The following SLAIN2 variants were observed in gnomAD, a reference collection of about 807,000 sequenced individuals.
The protein encoded by SLAIN2 is SLAIN family member 2.
Under a neutral mutation model 56.6 loss-of-function variants are expected in SLAIN2, and 31 were observed. The observed-to-expected ratio is 0.55, with a 90% CI of 0.41 to 0.74. The LOEUF (loss-of-function observed/expected upper bound fraction) is 0.74, where lower values mean the gene tolerates loss of function less well. Among genes scored for constraint, SLAIN2 ranks in the 30% least tolerant of loss-of-function variants. The pLI is 0.00. For missense variants in SLAIN2, 777 were observed against 754.2 expected, an observed-to-expected ratio of 1.03 and a Z score of -0.35; for synonymous variants, 317 against 284.9, an observed-to-expected ratio of 1.11 and a Z score of -1.13.
chr4:48,406,521 CTCTCTTT>C (rs1216967317), intron 6 of SLAIN2, among the ~76,000 whole-genome samples: 3 of 119,382 alleles, frequency 2.5e-5, no homozygotes, highest in South Asian at 3.3e-4. Context: ...TATGCTCTCT[CTCTCTTT>C]TTTTTTTTTT....
intron 6 of SLAIN2, among the ~76,000 whole-genome samples, chr4:48,391,528 G>A (rs190213774): frequency 3.7e-4 from 56 of 152,206 alleles, no homozygotes; most frequent in African/African-American, 1.2e-3. Flanking sequence ...ATAGAAAGCC[G>A]ACCAACTTGG....
rs747816266 is a variant in SLAIN2, at chr4:48,420,239, C to T, written c.1475C>T (p.Thr492Ile). 2.5e-6 allele frequency: 4 copies of T among 1,613,956 alleles called. No homozygotes were observed. Among genetic ancestry groups the T allele is most frequent in the South Asian group, 1.1e-5 (1 of 91,082 alleles). ...GSGSPGSQEI[T>I]QLTQTTSSPG... Reference sequence around the variant, plus strand: ...GGTTCTCCTGGTAGCCAAGAAATAACACAGCTCACACAAACCACCTCCTCA... The same window carrying T: ...GGTTCTCCTGGTAGCCAAGAAATAATACAGCTCACACAAACCACCTCCTCA... The change falls in exon 7 of 8, where the codon ACA becomes ATA. Residue 492 changes from threonine to isoleucine, a missense_variant. Coordinates refer to ENST00000264313, the MANE Select transcript of SLAIN2 (RefSeq NM_020846.2).
intron 1 of SLAIN2, among the ~76,000 whole-genome samples, chr4:48,344,141 C>T (rs1170139505): frequency 6.6e-6 from 1 of 152,072 alleles, no homozygotes; most frequent in Non-Finnish European, 1.5e-5. Flanking sequence ...TTCTTTTGAC[C>T]AGATGATTCC....
intron 6 of SLAIN2, among the ~76,000 whole-genome samples, chr4:48,410,839 C>T (rs1716826050): frequency 6.6e-6 from 1 of 152,196 alleles, no homozygotes; most frequent in African/African-American, 2.4e-5. Context: ...GAGAAATACC[C>T]TCACATCTTC....
intron 6 of SLAIN2, chr4:48,394,776 T>C: frequency 1.5e-6 from 1 of 686,642 alleles, no homozygotes; most frequent in South Asian, 2.2e-5. Flanking sequence ...TAAAGAATAA[T>C]AAAATAATGA....
Position 48,423,988 on chromosome 4 carries a change from A to G in SLAIN2, c.*1911A>G, listed in dbSNP as rs953379219. The G allele has an allele frequency of 2.6e-5, 4 of 152,166 alleles. No individual in the cohort carries two copies. The highest frequency in any genetic ancestry group is 1.3e-4 in the Admixed American group (2 of 15,262). The allele number at this position is 152,166 out of a possible 1,614,324, so 9.4% of individuals were successfully genotyped here. A position where few individuals can be genotyped will look rare whatever the true frequency, so the allele number is the denominator to read the frequency against. ...AACAAGTCTCAGTTTTCAGTGCAAC[A>G]TTTCAAAAAATATATATGCTGCAAT... On this transcript the variant is annotated 3_prime_UTR_variant, in exon 8 of 8. Transcript: ENST00000264313.
At chr4:48,397,816 C>T (rs1466985210) in intron 6 of SLAIN2, among the ~76,000 whole-genome samples, 3 of 152,122 alleles carry the variant, frequency 2.0e-5, no homozygotes, top group Non-Finnish European at 4.4e-5. Flanking sequence ...CCATCTATGT[C>T]CCTGCAAAGG....
Position 48,420,258 on chromosome 4 carries a change from C to T in SLAIN2, c.1494C>T (p.Thr498=). The T allele has an allele frequency of 6.2e-7, 1 of 1,613,970 alleles. No individual in the cohort carries two copies. Among genetic ancestry groups the T allele is most frequent in the Non-Finnish European group, 8.5e-7 (1 of 1,179,878 alleles). The change falls in exon 7 of 8, where the codon ACC becomes ACT. Residue 498 remains threonine (T), a synonymous_variant. Transcript: ENST00000264313. The part of the protein sequence containing the change: ...SQEITQLTQT[T]SSPGPPMVQS... ...AAATAACACAGCTCACACAAACCAC[C>T]TCCTCACCTGGGCCTCCTATGGTTC...
chr4:48,351,969 T>C (rs1715018717), intron 1 of SLAIN2, among the ~76,000 whole-genome samples: 1 of 152,162 alleles, frequency 6.6e-6, no homozygotes, highest in African/African-American at 2.4e-5. Context: ...GTGATACATT[T>C]GAGTAGGGTA....
At chr4:48,383,958 A>AT in intron 6 of SLAIN2, 174 bp downstream of exon 6, 2 of 630,676 alleles carry the variant, frequency 3.2e-6, no homozygotes, top group Non-Finnish European at 5.1e-6. Flanking sequence ...TTATATTACA[A>AT]TTTAAAATTT....
chr4:48,344,543 C>G (rs1049923552), intron 1 of SLAIN2, among the ~76,000 whole-genome samples: 1 of 152,142 alleles, frequency 6.6e-6, no homozygotes, highest in Non-Finnish European at 1.5e-5. Context: ...AAACAGTTTT[C>G]TTTAATGCTG....
At position 48,342,016 on chromosome 4, in the gene SLAIN2, G is replaced by C. The variant is rs765018443; in HGVS notation, c.277G>C (p.Asp93His). The change falls in exon 1 of 8, where the codon GAC (aspartate) becomes CAC (histidine). Residue 93 changes from aspartate (D) to histidine (H), a missense_variant. Asp to His is a moderately conservative substitution (Grantham distance 81, BLOSUM62 -1). Transcript: ENST00000264313. ...GCGGACGAGTAGCGAAGAGCTGCGG[G>C]ACGCCACCTCCTTGCTAGCGGCGGG... ...PRRTSSEELR[D>H]ATSLLAAGEG... 1.4e-6 allele frequency: 2 copies of C among 1,417,348 alleles called. No individual in the cohort carries two copies. The highest frequency in any genetic ancestry group is 3.0e-5 in the African/African-American group (2 of 65,920). 87.8% of individuals were successfully genotyped at this position (1,417,348 alleles called of 1,614,324 possible). A position where few individuals can be genotyped will look rare whatever the true frequency, so the allele number is the denominator to read the frequency against.
intron 1 of SLAIN2, among the ~76,000 whole-genome samples, chr4:48,343,443 T>C (rs1311445016): frequency 2.0e-5 from 3 of 152,224 alleles, no homozygotes; most frequent in Non-Finnish European, 4.4e-5. Flanking sequence ...TATGATGTTG[T>C]AGGAGATTCT....
At chr4:48,343,693 T>A (rs1714787097) in intron 1 of SLAIN2, among the ~76,000 whole-genome samples, 1 of 152,210 alleles carries the variant, frequency 6.6e-6, no homozygotes, top group African/African-American at 2.4e-5. Flanking sequence ...AAGGGCATTT[T>A]ATGCTCTTGA....
intron 6 of SLAIN2, 95 bp downstream of exon 6, chr4:48,383,879 T>A: frequency 1.5e-6 from 2 of 1,362,100 alleles, no homozygotes; most frequent in Non-Finnish European, 2.0e-6. Context: ...TTTTTTATGC[T>A]GAAAAACCGT....
chr4:48,364,329 A>G (rs1577715292), intron 1 of SLAIN2, among the ~76,000 whole-genome samples: 1 of 89,986 alleles, frequency 1.1e-5, no homozygotes, highest in East Asian at 2.9e-4. Flanking sequence ...GCGGCTGGGA[A>G]GAGGCGCTCC....
chr4:48,368,095 T>C (rs1341289891), intron 1 of SLAIN2, among the ~76,000 whole-genome samples: 1 of 136,286 alleles, frequency 7.3e-6, no homozygotes, highest in African/African-American at 2.7e-5. Context: ...CAGGCTGGAC[T>C]GCAGTGGTGT....
rs780784974 is a variant in SLAIN2 at position 48,420,436 on chromosome 4, G to A, written c.1672G>A (p.Val558Ile). 3 of 1,613,500 alleles carry A rather than the reference G, an allele frequency of 1.9e-6. No individual in the cohort carries two copies. In the Admixed American group the frequency reaches 5.0e-5, roughly 27 times the overall value. ...PVPRSKLAQP[V>I]RRSLPAPKTY... ...GCCTCGCAGCAAACTTGCACAGCCT[G>A]TTCGCAGGTAAGTGGCAGATGTTCT... The change falls in exon 7 of 8, where the codon GTT (valine) becomes ATT (isoleucine). Residue 558 changes from valine to isoleucine, a missense_variant. Physicochemically the swap from Val to Ile is conservative, Grantham distance 29. Transcript: ENST00000264313.
intron 1 of SLAIN2, among the ~76,000 whole-genome samples, chr4:48,343,140 G>A (rs528548146): frequency 6.6e-6 from 1 of 152,276 alleles, no homozygotes; most frequent in South Asian, 2.1e-4. Context: ...ATAGACTCTG[G>A]TATTGCAGGG....
Sources: allele counts gnomAD v4.1 joint callset (sites outside exome capture counted in the v4.1 genomes callset), GRCh38; gene constraint gnomAD v4.1.1; transcripts MANE v1.5; gene names NCBI Gene and HGNC (gene_info 2026-07-23, HGNC 2026-07-21).